ZFYVE9: variants seen among roughly 807,000 people sequenced by gnomAD.
ZFYVE9 encodes zinc finger FYVE domain-containing protein 9.
Under a neutral mutation model 126.7 loss-of-function variants are expected in ZFYVE9, and 43 were observed. The ratio of observed to expected loss-of-function variants is 0.34; its 90% CI spans 0.27 to 0.44. The LOEUF is 0.44. Among genes scored for constraint, ZFYVE9 ranks in the 20% least tolerant of loss-of-function variants. The pLI is 1.00. For missense variants in ZFYVE9, 1,476 were observed against 1,697.0 expected, an observed-to-expected ratio of 0.87 and a Z score of 2.29; for synonymous variants, 521 against 597.4, an observed-to-expected ratio of 0.87 and a Z score of 1.87.
intron 1 of ZFYVE9, among the ~76,000 whole-genome samples, chr1:52,194,032 C>T (rs1326597451): frequency 6.6e-6 from 1 of 152,084 alleles, no homozygotes; most frequent in Non-Finnish European, 1.5e-5. Flanking sequence ...TTTCTTGAAC[C>T]TAGGAAGCGA....
intron 4 of ZFYVE9, among the ~76,000 whole-genome samples, chr1:52,246,737 C>G (rs1401341272): frequency 7.8e-6 from 1 of 127,412 alleles, no homozygotes; most frequent in Non-Finnish European, 1.6e-5. Flanking sequence ...GAGTTTCACT[C>G]TTGTTGCTTG....
At chr1:52,180,170 T>A in intron 1 of ZFYVE9, 2 of 1,382,682 alleles carry the variant, frequency 1.4e-6, no homozygotes, top group South Asian at 1.2e-5. Flanking sequence ...CCAGTGAGGG[T>A]TTGTGGGTCG....
chr1:52,321,959 C>T (rs576258541), intron 13 of ZFYVE9, among the ~76,000 whole-genome samples: 2 of 152,186 alleles, frequency 1.3e-5, no homozygotes, highest in African/African-American at 4.8e-5. Flanking sequence ...TCTAAGCTGA[C>T]ATCTTCCAAA....
chr1:52,176,817 T>C (rs1223249663), intron 1 of ZFYVE9, among the ~76,000 whole-genome samples: 1 of 152,190 alleles, frequency 6.6e-6, no homozygotes, highest in Non-Finnish European at 1.5e-5. Flanking sequence ...TATAATCTCC[T>C]GGTGCGCCGT....
At chr1:52,200,754 T>A (rs1644916089) in intron 1 of ZFYVE9, among the ~76,000 whole-genome samples, 1 of 152,240 alleles carries the variant, frequency 6.6e-6, no homozygotes, top group Non-Finnish European at 1.5e-5. Context: ...TTTGTAAAAA[T>A]ACTATCTCTG....
chr1:52,331,140 A>G lies in ZFYVE9; in HGVS notation c.3439-1628A>G, dbSNP rs1646337515. On this transcript the variant is annotated intron_variant, in intron 13 of 18. Coordinates refer to ENST00000287727, the MANE Select transcript of ZFYVE9 (RefSeq NM_004799.4). ...CACCTCGGCCTCCTAAAGTGCTGGG[A>G]TTACAGGTGTGAGCCACCGGGCCTG... Among the ~76,000 whole-genome samples the G allele has an allele frequency of 2.6e-5, 4 of 151,912 alleles. No homozygotes were observed. In the South Asian group the frequency reaches 8.4e-4, roughly 32 times the overall value.
At chr1:52,321,019 C>T (rs1385349163) in intron 13 of ZFYVE9, among the ~76,000 whole-genome samples, 1 of 151,954 alleles carries the variant, frequency 6.6e-6, no homozygotes, top group African/African-American at 2.4e-5. Flanking sequence ...TTACTCAACA[C>T]CAAAAAGATA....
intron 1 of ZFYVE9, among the ~76,000 whole-genome samples, chr1:52,196,055 G>T (rs1229238716): frequency 1.3e-5 from 2 of 152,100 alleles, no homozygotes; most frequent in Admixed American, 1.3e-4. Flanking sequence ...GCCTCCCAAA[G>T]TGCTGGGATT....
chr1:52,269,064 G>A (rs189380821), intron 7 of ZFYVE9, among the ~76,000 whole-genome samples: 1 of 152,168 alleles, frequency 6.6e-6, no homozygotes, highest in East Asian at 1.9e-4. Flanking sequence ...TGGTACACTT[G>A]TTACACTTGT....
At chr1:52,153,239 A>G (rs1434773772) in intron 1 of ZFYVE9, among the ~76,000 whole-genome samples, 1 of 152,184 alleles carries the variant, frequency 6.6e-6, no homozygotes. Context: ...ATTCCTCATG[A>G]TGCACAGATC....
intron 8 of ZFYVE9, 129 bp from the exon 9 acceptor site, chr1:52,278,363 T>C: frequency 1.7e-6 from 2 of 1,202,054 alleles, no homozygotes; most frequent in South Asian, 1.3e-5. Context: ...CAAACCATGC[T>C]CTGTATGCAC....
intron 1 of ZFYVE9, among the ~76,000 whole-genome samples, chr1:52,163,393 C>T (rs1336695026): frequency 6.6e-6 from 1 of 152,214 alleles, no homozygotes; most frequent in Admixed American, 6.5e-5. Context: ...GCCTAATCAA[C>T]CTGCTGACCA....
At chr1:52,179,967 G>T (rs550236952) in intron 1 of ZFYVE9, 3 of 1,020,854 alleles carry the variant, frequency 2.9e-6, no homozygotes, top group East Asian at 4.8e-5. Context: ...GCAGTCAGTC[G>T]TGACAACATA....
At chr1:52,176,533 G>A (rs1334074204) in intron 1 of ZFYVE9, among the ~76,000 whole-genome samples, 3 of 152,140 alleles carry the variant, frequency 2.0e-5, no homozygotes, top group African/African-American at 7.2e-5. Flanking sequence ...TGTCAGACAG[G>A]GACATTTAAG....
Position 52,190,782 on chromosome 1 carries a change from G to A in ZFYVE9, c.-142-25587G>A, listed in dbSNP as rs78375083. Reference sequence around the variant, plus strand: ...TATATTAATTTTTATTGAGATTAAAGGGTAGAAGATAGTAATATTTCTTGA... The same window carrying A: ...TATATTAATTTTTATTGAGATTAAAAGGTAGAAGATAGTAATATTTCTTGA... On this transcript the variant is annotated intron_variant, in intron 1 of 18. Coordinates refer to ENST00000287727, the MANE Select transcript of ZFYVE9 (RefSeq NM_004799.4). Among the ~76,000 whole-genome samples, 349 of 152,218 alleles carry A rather than the reference G, an allele frequency of 2.3e-3. 13 individuals carry two copies. The East Asian group carries it at 0.059, about 26-fold the overall frequency.
intron 1 of ZFYVE9, chr1:52,160,233 A>C: frequency 1.2e-6 from 1 of 810,256 alleles, no homozygotes; most frequent in Non-Finnish European, 2.2e-6. Context: ...GCATCACGAC[A>C]GGATGGACTT....
At chr1:52,256,642 T>G (rs1435829810) in intron 4 of ZFYVE9, among the ~76,000 whole-genome samples, 1 of 150,460 alleles carries the variant, frequency 6.6e-6, no homozygotes, top group Non-Finnish European at 1.5e-5. Flanking sequence ...AGAGATCTCT[T>G]TTAACCCTTT....
At chr1:52,228,189 C>T (rs1190454680) in intron 2 of ZFYVE9, among the ~76,000 whole-genome samples, 1 of 152,136 alleles carries the variant, frequency 6.6e-6, no homozygotes, top group Non-Finnish European at 1.5e-5. Flanking sequence ...AGCAATCTTC[C>T]TGCCTCAGCC....
In ZFYVE9 at chr1:52,212,490, A is replaced by T. The variant is rs372010965; in HGVS notation, c.-142-3879A>T. Among the ~76,000 whole-genome samples, 3 of 152,306 alleles carry T rather than the reference A, an allele frequency of 2.0e-5. No homozygotes were observed. The East Asian group carries it at 5.8e-4, about 29-fold the overall frequency. ...GCTATTTCAGTTAAGATTATGAAGG[A>T]TATATTTTATAGAGAAATGAAGGCA... On this transcript the variant is annotated intron_variant, in intron 1 of 18. Coordinates refer to ENST00000287727, the MANE Select transcript of ZFYVE9 (RefSeq NM_004799.4).
Sources: allele counts gnomAD v4.1 joint callset (sites outside exome capture counted in the v4.1 genomes callset), GRCh38; gene constraint gnomAD v4.1.1; transcripts MANE v1.5; gene names NCBI Gene and HGNC (gene_info 2026-07-23, HGNC 2026-07-21).